The following PCP4 variants were observed in gnomAD, a reference collection of about 807,000 sequenced individuals.
The protein encoded by PCP4 is Purkinje cell protein 4, also known as calmodulin regulator protein PCP4.
Under a neutral mutation model 10.0 loss-of-function variants are expected in PCP4, and 8 were observed. The ratio of observed to expected loss-of-function variants is 0.80; its 90% CI spans 0.47 to 1.45. The LOEUF (loss-of-function observed/expected upper bound fraction) is 1.45. Ranked by LOEUF, PCP4 falls within the 40% of genes most tolerant of loss-of-function variation. The probability of loss-of-function intolerance (pLI) is 0.00; values close to 1 mark genes in which losing one functional copy is unlikely to be tolerated. For missense variants in PCP4, 54 were observed against 74.4 expected (o/e 0.73, Z 1.01); for synonymous variants, 21 against 23.0 (o/e 0.91, Z 0.24).
At chr21:39,892,580 G>T (rs940108375) in intron 1 of PCP4, among the ~76,000 whole-genome samples, 1 of 151,950 alleles carries the variant, frequency 6.6e-6, no homozygotes, top group South Asian at 2.1e-4. Flanking sequence ...TTTAATTTTT[G>T]TGGGTACATA....
At chr21:39,879,015 A>T (rs1811633295) in intron 1 of PCP4, among the ~76,000 whole-genome samples, 1 of 148,498 alleles carries the variant, frequency 6.7e-6, no homozygotes, top group Non-Finnish European at 1.5e-5. Context: ...TTGAGACTGA[A>T]TTTTACTCTT....
rs1337525667 is a variant in PCP4, at chr21:39,912,358, C to A, written c.61+13831C>A. Among the ~76,000 whole-genome samples the A allele has an allele frequency of 1.3e-5, 2 of 148,674 alleles. 1 individual carries two copies. Among genetic ancestry groups the A allele is most frequent in the African/African-American group, 5.0e-5 (2 of 40,282 alleles). ...ATTTCCAAACTGATTAATTTTTGAT[C>A]CTGTTGCCCTGATCCCAGAAAATTT... is the stretch of plus-strand genomic sequence containing the variant. On this transcript the variant is annotated intron_variant, in intron 2 of 2. Coordinates refer to ENST00000328619, the MANE Select transcript of PCP4 (RefSeq NM_006198.3).
chr21:39,877,133 T>C (rs11910972), intron 1 of PCP4, among the ~76,000 whole-genome samples: 70,661 of 152,082 alleles, frequency 0.46, 17,973 homozygotes, highest in African/African-American at 0.68. Context: ...GGATACAACC[T>C]AATTTCTTTT....
Position 39,906,732 on chromosome 21 carries a change from G to C in PCP4, c.61+8205G>C, listed in dbSNP as rs117057104. The stretch of plus-strand genomic sequence containing the variant: ...ATACAGAGAAAGCTTATACACCTTG[G>C]TGAAAAAGTAAAGTTATACATTATT... On this transcript the variant is annotated intron_variant, in intron 2 of 2. Transcript: ENST00000328619. The surrounding 1 kb of genome is among the most constrained non-coding windows in gnomAD (Gnocchi z 6.3). 1.4e-3 allele frequency among the ~76,000 whole-genome samples: 217 copies of C among 152,222 alleles called. 4 individuals carry two copies. In the South Asian group the frequency reaches 0.038, roughly 27 times the overall value.
At chr21:39,923,674 C>T (rs1215596107) in intron 2 of PCP4, among the ~76,000 whole-genome samples, 2 of 152,198 alleles carry the variant, frequency 1.3e-5, no homozygotes, top group Non-Finnish European at 2.9e-5. Flanking sequence ...GAGAGGCCAC[C>T]CAGTCCAGAC....
intron 2 of PCP4, among the ~76,000 whole-genome samples, chr21:39,920,259 GGTGT>G (rs56164022): frequency 7.2e-6 from 1 of 139,754 alleles, no homozygotes; most frequent in Admixed American, 7.1e-5. Context: ...TGTTTGGTGT[GGTGT>G]GTGTGTGTGG....
At chr21:39,912,522 A>G (rs940415622) in intron 2 of PCP4, among the ~76,000 whole-genome samples, 2 of 151,848 alleles carry the variant, frequency 1.3e-5, no homozygotes, top group African/African-American at 4.8e-5. Context: ...GTGCCACATA[A>G]AACAGGCCCT....
chr21:39,891,623 C>T (rs2146333854), intron 1 of PCP4, among the ~76,000 whole-genome samples: 1 of 152,338 alleles, frequency 6.6e-6, no homozygotes, highest in South Asian at 2.1e-4. Flanking sequence ...GGCGCGTAGA[C>T]CGGCAGTGGC....
chr21:39,879,177 TG>T (rs2087360022), intron 1 of PCP4, among the ~76,000 whole-genome samples: 1 of 151,998 alleles, frequency 6.6e-6, no homozygotes, highest in Admixed American at 6.6e-5. Flanking sequence ...TTAGTAGAGA[TG>T]GGGTTTCACC....
intron 2 of PCP4, among the ~76,000 whole-genome samples, chr21:39,915,595 C>A (rs1254613556): frequency 6.6e-6 from 1 of 152,162 alleles, no homozygotes; most frequent in Non-Finnish European, 1.5e-5. Context: ...GAGCATCAAG[C>A]ATCTGTCACT....
In PCP4 at chr21:39,929,128, T is replaced by C; in HGVS notation, c.*17T>C. 1 of 1,603,222 alleles carries C rather than the reference T, an allele frequency of 6.2e-7. No homozygotes were observed. Among genetic ancestry groups the C allele is most frequent in the Non-Finnish European group, 8.5e-7 (1 of 1,174,904 alleles). ...CAGTCCTAGTGGGAGAACCCCCTCC[T>C]AGTCCACCTGAAAACACCAAATTCA... On this transcript the variant is annotated 3_prime_UTR_variant, in exon 3 of 3. Coordinates refer to ENST00000328619, the MANE Select transcript of PCP4 (RefSeq NM_006198.3).
rs142252908 is a variant in PCP4, at chr21:39,874,721, AT to A, written c.9+7215del. 9.4e-5 allele frequency among the ~76,000 whole-genome samples: 14 copies of A among 148,182 alleles called. 1 individual carries two copies. Among genetic ancestry groups the A allele is most frequent in the African/African-American group, 3.3e-4 (13 of 39,928 alleles). ...GTTCATCAGGTGGTTAAGTTCTAGT[AT>A]TTTAAAAAAAAACCTAGTTAAAAGG... On this transcript the variant is annotated intron_variant, in intron 1 of 2. Coordinates refer to ENST00000328619, the MANE Select transcript of PCP4 (RefSeq NM_006198.3).
At chr21:39,872,977 G>A (rs548424505) in intron 1 of PCP4, among the ~76,000 whole-genome samples, 3 of 152,260 alleles carry the variant, frequency 2.0e-5, no homozygotes, top group Non-Finnish European at 4.4e-5. Context: ...AAATAAGAAG[G>A]ATCTCAACAG....
rs372152399 is a variant in PCP4 at position 39,867,524 on chromosome 21, C to T, written c.9+14C>T. ...AACATGAGTGAGGTGAGTGATGCTTCGACCTGGAGAGGGAAACTTAGGAGT... is the reference window on the plus strand; with the variant it reads ...AACATGAGTGAGGTGAGTGATGCTTTGACCTGGAGAGGGAAACTTAGGAGT... On this transcript the variant is annotated intron_variant, in intron 1 of 2. Transcript: ENST00000328619. 134 of 1,613,572 alleles carry T rather than the reference C, an allele frequency of 8.3e-5. No individual in the cohort carries two copies. Among genetic ancestry groups the T allele is most frequent in the Non-Finnish European group, 1.1e-4 (128 of 1,179,576 alleles).
At chr21:39,890,188 T>C (rs2087422817) in intron 1 of PCP4, among the ~76,000 whole-genome samples, 2 of 152,228 alleles carry the variant, frequency 1.3e-5, no homozygotes, top group African/African-American at 4.8e-5. Context: ...TCAATGACTG[T>C]ATTAGAATAA....
intron 2 of PCP4, among the ~76,000 whole-genome samples, chr21:39,914,334 A>G (rs1307243623): frequency 6.6e-6 from 1 of 152,134 alleles, no homozygotes; most frequent in Non-Finnish European, 1.5e-5. Flanking sequence ...TAATCCCAGC[A>G]CTTTGGGAGC....
rs948042867 is a variant in PCP4 at position 39,895,812 on chromosome 21, T to A, written c.10-2664T>A. Among the ~76,000 whole-genome samples, 4 of 152,078 alleles carry A rather than the reference T, an allele frequency of 2.6e-5. No homozygotes were observed. In the East Asian group the frequency reaches 7.7e-4, roughly 29 times the overall value. Reference sequence around the variant, plus strand: ...CTCTCCAGTATAAATTCAGTGAAACTGCAACTGCCTGGTATTGTAAAGACC... The same window carrying A: ...CTCTCCAGTATAAATTCAGTGAAACAGCAACTGCCTGGTATTGTAAAGACC... On this transcript the variant is annotated intron_variant, in intron 1 of 2. Coordinates refer to ENST00000328619, the MANE Select transcript of PCP4 (RefSeq NM_006198.3).
At chr21:39,874,794 C>T (rs564448261) in intron 1 of PCP4, among the ~76,000 whole-genome samples, 28 of 152,160 alleles carry the variant, frequency 1.8e-4, no homozygotes, top group Middle Eastern at 3.4e-3. Context: ...GTAGCTCCCC[C>T]TTATCTTCAG....
chr21:39,881,071 T>C (rs2087373543), intron 1 of PCP4, among the ~76,000 whole-genome samples: 1 of 152,198 alleles, frequency 6.6e-6, no homozygotes, highest in African/African-American at 2.4e-5. Flanking sequence ...TCTGATCAAA[T>C]GGCCCATATA....
Sources: allele counts gnomAD v4.1 joint callset (sites outside exome capture counted in the v4.1 genomes callset), GRCh38; gene constraint gnomAD v4.1.1; non-coding constraint Gnocchi (gnomAD v3.1); transcripts MANE v1.5; gene names NCBI Gene and HGNC (gene_info 2026-07-23, HGNC 2026-07-21).